PLSCR5: variants seen among roughly 807,000 people sequenced by gnomAD.
PLSCR5 encodes phospholipid scramblase family member 5, also known as phospholipid scramblase family, member 5.
In PLSCR5, 44 loss-of-function variants were observed where a neutral mutation model predicts 33.6. The ratio of observed to expected loss-of-function variants is 1.31; its 90% CI spans 1.03 to 1.69. The LOEUF (loss-of-function observed/expected upper bound fraction) is 1.69. PLSCR5 is among the 40% of genes most tolerant of loss of function. The pLI is 0.00. For missense variants in PLSCR5, 375 were observed against 318.7 expected, an observed-to-expected ratio of 1.18 and a Z score of -1.34; for synonymous variants, 148 against 112.3, an observed-to-expected ratio of 1.32 and a Z score of -2.01.
intron 6 of PLSCR5, among the ~76,000 whole-genome samples, chr3:146,587,216 C>T (rs12107033): frequency 2.0e-5 from 3 of 152,044 alleles, no homozygotes; most frequent in Middle Eastern, 6.8e-3. Context: ...CAGATGCTTG[C>T]ACTTTGCACC....
downstream of PLSCR5, among the ~76,000 whole-genome samples, chr3:146,583,377 ACAGTAAACAGAGTTG>A (rs1390193674): frequency 6.6e-6 from 1 of 152,086 alleles, no homozygotes; most frequent in Non-Finnish European, 1.5e-5. Flanking sequence ...CCCAGTAAAC[ACAGTAAACAGAGTTG>A]GAGTAAACAG....
chr3:146,583,991 A>G (rs1576815901), downstream of PLSCR5, among the ~76,000 whole-genome samples: 3 of 143,082 alleles, frequency 2.1e-5, no homozygotes, highest in East Asian at 4.0e-4. Context: ...AAGCAAGATT[A>G]TCTTTAGGAA....
rs556917936 is a variant in PLSCR5 at position 146,603,622 on chromosome 3, A to T, written c.13+1578T>A. Among the ~76,000 whole-genome samples the T allele has an allele frequency of 3.3e-5, 5 of 152,238 alleles. No individual in the cohort carries two copies. The South Asian group carries it at 1.0e-3, about 31-fold the overall frequency. On this transcript the variant is annotated intron_variant, in intron 1 of 7. Transcript: ENST00000443512. ...TTTCTTCAAAGACTCAGACAACCAGATGAAGAAGGAACTCCTTTGAATTTC... is the reference window on the plus strand; with the variant it reads ...TTTCTTCAAAGACTCAGACAACCAGTTGAAGAAGGAACTCCTTTGAATTTC...
At chr3:146,579,638 T>C (rs1034560700) in intron 7 of PLSCR5, among the ~76,000 whole-genome samples, 2 of 152,238 alleles carry the variant, frequency 1.3e-5, no homozygotes, top group African/African-American at 4.8e-5. Context: ...GGAAAGATAT[T>C]GTTTTGTTCC....
At chr3:146,583,557 G>A (rs1403728600), downstream of PLSCR5, among the ~76,000 whole-genome samples, 1 of 152,154 alleles carries the variant, frequency 6.6e-6, no homozygotes, top group African/African-American at 2.4e-5. Context: ...ATGTTTGGTG[G>A]AAAAGGGAAA....
At chr3:146,592,403 G>A (rs2107852980) in intron 4 of PLSCR5, among the ~76,000 whole-genome samples, 1 of 152,208 alleles carries the variant, frequency 6.6e-6, no homozygotes, top group East Asian at 1.9e-4. Flanking sequence ...ACACCAGTTT[G>A]ATTGCTGGTT....
downstream of PLSCR5, among the ~76,000 whole-genome samples, chr3:146,581,283 G>T (rs567860415): frequency 3.3e-5 from 5 of 152,240 alleles, no homozygotes; most frequent in South Asian, 1.0e-3. Flanking sequence ...AATAAGTTCA[G>T]CTTATTGTTT....
chr3:146,604,737 A>C (rs2044849824), intron 1 of PLSCR5, among the ~76,000 whole-genome samples: 1 of 152,102 alleles, frequency 6.6e-6, no homozygotes, highest in African/African-American at 2.4e-5. Flanking sequence ...GTATGAAGAC[A>C]TCTCATGTAT....
intron 1 of PLSCR5, among the ~76,000 whole-genome samples, chr3:146,602,311 G>T (rs1363023737): frequency 2.0e-5 from 3 of 152,066 alleles, no homozygotes; most frequent in Admixed American, 6.6e-5. Context: ...CAATAATGAT[G>T]CAAAAATATT....
At chr3:146,589,854 A>C in intron 5 of PLSCR5, 40 bp from the exon 6 acceptor site, 2 of 1,369,948 alleles carry the variant, frequency 1.5e-6, no homozygotes, top group Non-Finnish European at 2.0e-6. Flanking sequence ...TTGACAGTGA[A>C]AAAAGTTGGT....
At position 146,600,399 on chromosome 3, in the gene PLSCR5, G is replaced by C. The variant is rs1205022304; in HGVS notation, c.78C>G (p.Ser26Arg). Residue 26 changes from serine to arginine, a missense_variant, in exon 2 of 8, where the codon AGC becomes AGG. By Grantham distance (110) the Ser-to-Arg change is moderately radical. Coordinates refer to ENST00000443512, the MANE Select transcript of PLSCR5 (RefSeq NM_001085420.2). ...TCCCTGGATTGGAAGAGGCAGGAAG[G>C]CTTTGGTCTGGGTCTGGAGCTCCAG... ...FLPGAPDPDQ[S>R]LPASSNPGNQ... 6.8e-6 allele frequency: 11 copies of C among 1,609,086 alleles called. No homozygotes were observed. The highest frequency in any genetic ancestry group is 9.3e-6 in the Non-Finnish European group (11 of 1,177,166).
chr3:146,580,457 T>TG, intron 7 of PLSCR5, among the ~76,000 whole-genome samples: 1 of 72,420 alleles, frequency 1.4e-5, no homozygotes, highest in Non-Finnish European at 3.0e-5. Flanking sequence ...GAATTTGCTT[T>TG]TTTTTTTTTT....
chr3:146,588,970 T>C (rs2044687472), intron 6 of PLSCR5, among the ~76,000 whole-genome samples: 1 of 152,124 alleles, frequency 6.6e-6, no homozygotes, highest in Non-Finnish European at 1.5e-5. Flanking sequence ...CTCCATAAGT[T>C]TTTATGGCTG....
intron 3 of PLSCR5, 23 bp from the exon 4 acceptor site, chr3:146,594,163 A>G: frequency 1.9e-6 from 3 of 1,541,888 alleles, no homozygotes; most frequent in Non-Finnish European, 1.8e-6. Flanking sequence ...AAAAAAAATT[A>G]TAAAAACATT....
chr3:146,587,891 T>C (rs944129177), intron 6 of PLSCR5, among the ~76,000 whole-genome samples: 4 of 151,844 alleles, frequency 2.6e-5, no homozygotes, highest in African/African-American at 7.3e-5. Flanking sequence ...CATATATATA[T>C]ACATATATAT....
chr3:146,584,412 A>C (rs533607579), downstream of PLSCR5, among the ~76,000 whole-genome samples: 1 of 152,316 alleles, frequency 6.6e-6, no homozygotes, highest in Admixed American at 6.5e-5. Flanking sequence ...ATTGCATAAA[A>C]GGTTTTTGTT....
At chr3:146,599,614 C>T (rs537394191) in intron 2 of PLSCR5, among the ~76,000 whole-genome samples, 12 of 149,718 alleles carry the variant, frequency 8.0e-5, no homozygotes, top group African/African-American at 1.7e-4. Flanking sequence ...AGCAAGCACT[C>T]GACAAATATT....
intron 6 of PLSCR5, among the ~76,000 whole-genome samples, chr3:146,589,192 A>C (rs1401578962): frequency 6.6e-6 from 1 of 152,180 alleles, no homozygotes; most frequent in Non-Finnish European, 1.5e-5. Context: ...GGTACCTATT[A>C]ACTCATCAAA....
intron 1 of PLSCR5, among the ~76,000 whole-genome samples, chr3:146,601,179 T>G (rs2044810981): frequency 6.6e-6 from 1 of 151,986 alleles, no homozygotes; most frequent in East Asian, 1.9e-4. Flanking sequence ...TTTAATCATC[T>G]TTTATTTTGA....
Sources: allele counts gnomAD v4.1 joint callset (sites outside exome capture counted in the v4.1 genomes callset), GRCh38; gene constraint gnomAD v4.1.1; transcripts MANE v1.5; gene names NCBI Gene and HGNC (gene_info 2026-07-23, HGNC 2026-07-21).